Variants in BCKDHB observed in about 807,000 individuals in gnomAD.
BCKDHB encodes 2-oxoisovalerate dehydrogenase subunit beta, mitochondrial.
BCKDHB carries 41 observed loss-of-function variants against 48.5 expected under a neutral mutation model. The observed-to-expected ratio is 0.85, with a 90% CI of 0.66 to 1.10. BCKDHB has a LOEUF of 1.10. Ranked by LOEUF, BCKDHB falls within the 50% of genes least tolerant of loss-of-function variation. BCKDHB has a pLI of 0.00. For synonymous variants in BCKDHB, 201 were observed against 174.8 expected (o/e 1.15, Z -1.18); for missense variants, 496 against 494.2 (o/e 1.00, Z -0.03).
chr6:80,240,841 G>A (rs1290231944), intron 8 of BCKDHB, among the ~76,000 whole-genome samples: 1 of 152,176 alleles, frequency 6.6e-6, no homozygotes, highest in African/African-American at 2.4e-5. Flanking sequence ...ATCCTGAAGA[G>A]TGTTTTCCAG....
the BCKDHB span, among the ~76,000 whole-genome samples, chr6:80,418,050 T>C: frequency 6.6e-6 from 1 of 152,174 alleles, no homozygotes; most frequent in Non-Finnish European, 1.5e-5. Context: ...ATTTTTCTTT[T>C]TTTGTCTCAC....
At chr6:80,336,751 A>G (rs1479070802) in intron 9 of BCKDHB, among the ~76,000 whole-genome samples, 2 of 152,030 alleles carry the variant, frequency 1.3e-5, no homozygotes, top group African/African-American at 2.4e-5. Flanking sequence ...CATTGGTTCA[A>G]CTGTGTTTTA....
chr6:80,279,497 G>A (rs961990756), intron 9 of BCKDHB, among the ~76,000 whole-genome samples: 2 of 151,764 alleles, frequency 1.3e-5, no homozygotes, highest in African/African-American at 2.4e-5. Flanking sequence ...TTCACCTCTC[G>A]TCTAATTACT....
chr6:80,336,882 G>A (rs1200594613), intron 9 of BCKDHB, among the ~76,000 whole-genome samples: 1 of 151,990 alleles, frequency 6.6e-6, no homozygotes, highest in Non-Finnish European at 1.5e-5. Context: ...TTGGGGGTAG[G>A]TTAGGGACTC....
chr6:80,191,273 G>T (rs974670063), intron 6 of BCKDHB, among the ~76,000 whole-genome samples: 1 of 152,026 alleles, frequency 6.6e-6, no homozygotes, highest in East Asian at 1.9e-4. Flanking sequence ...TGTATTCCCC[G>T]TATATCTTTC....
intron 3 of BCKDHB, among the ~76,000 whole-genome samples, chr6:80,165,546 C>A (rs1305945346): frequency 6.6e-6 from 1 of 152,060 alleles, no homozygotes; most frequent in Non-Finnish European, 1.5e-5. Context: ...AATATGAATA[C>A]CAGGTTTCTC....
At chr6:80,415,984 C>T in the BCKDHB span, among the ~76,000 whole-genome samples, 1 of 151,496 alleles carries the variant, frequency 6.6e-6, no homozygotes, top group Non-Finnish European at 1.5e-5. Context: ...TCAATTTCTT[C>T]CTGGTTCTGT....
intron 1 of BCKDHB, among the ~76,000 whole-genome samples, chr6:80,122,979 C>T (rs1387682382): frequency 7.1e-6 from 1 of 141,662 alleles, no homozygotes; most frequent in Non-Finnish European, 1.5e-5. Context: ...TCCCCCCCGG[C>T]CCCCCCAGGA....
In BCKDHB at chr6:80,200,921, G is replaced by A. The variant is rs769136693; in HGVS notation, c.743-13G>A. On this transcript the variant is annotated splice_polypyrimidine_tract_variant and intron_variant, in intron 6 of 9. Transcript: ENST00000320393. ...AAAAATGTCCTTTTTTTTTTTTCCT[G>A]TTCTGTATTTAGCGGAAGAAGTCCC... 1 of 1,549,346 alleles carries A rather than the reference G, an allele frequency of 6.5e-7. No homozygotes were observed. Among genetic ancestry groups the A allele is most frequent in the South Asian group, 1.2e-5 (1 of 86,936 alleles).
chr6:80,338,419 A>G (rs2322756), intron 9 of BCKDHB, among the ~76,000 whole-genome samples: 117,972 of 152,088 alleles, frequency 0.78, 46,135 homozygotes, highest in Admixed American at 0.84. Context: ...ATTAGCGTTT[A>G]GGCGTCCTGC....
intron 8 of BCKDHB, among the ~76,000 whole-genome samples, chr6:80,248,960 G>A (rs1776728873): frequency 6.6e-6 from 1 of 151,474 alleles, no homozygotes; most frequent in Non-Finnish European, 1.5e-5. Context: ...TCCCAGAATA[G>A]CCATAGTGGT....
chr6:80,168,752 G>C (rs924252015), intron 4 of BCKDHB, 123 bp from the exon 5 acceptor site: 1 of 1,085,794 alleles, frequency 9.2e-7, no homozygotes, highest in East Asian at 2.6e-5. Context: ...GGCAGGGAGG[G>C]AGGGAAAGAC....
At chr6:80,207,122 A>G (rs1239601680) in intron 8 of BCKDHB, among the ~76,000 whole-genome samples, 1 of 152,030 alleles carries the variant, frequency 6.6e-6, no homozygotes, top group Non-Finnish European at 1.5e-5. Flanking sequence ...AAATGATTCT[A>G]AAAGAAAATA....
At chr6:80,447,099 G>A in the BCKDHB span, among the ~76,000 whole-genome samples, 1 of 152,138 alleles carries the variant, frequency 6.6e-6, no homozygotes, top group Admixed American at 6.5e-5. Context: ...ATATTTTTAA[G>A]TGCTAAATAA....
rs1236821567 is a variant in BCKDHB at position 80,343,995 on chromosome 6, C to G, written c.*191C>G. The G allele has an allele frequency of 1.6e-5, 10 of 619,304 alleles. No individual in the cohort carries two copies. Among genetic ancestry groups the G allele is most frequent in the Non-Finnish European group, 2.4e-5 (9 of 376,736 alleles). The allele number at this position is 619,304 out of a possible 1,614,324, so 38.4% of individuals were successfully genotyped here. A position where few individuals can be genotyped will look rare whatever the true frequency, so the allele number is the denominator to read the frequency against. ...ATTCAAATTTATAGTAGTATATTTA[C>G]ATTTTTGTTGTTGTTGTTGTTCTGA... On this transcript the variant is annotated 3_prime_UTR_variant, in exon 10 of 10. Coordinates refer to ENST00000320393, the MANE Select transcript of BCKDHB (RefSeq NM_183050.4).
At chr6:80,203,299 G>A in intron 8 of BCKDHB, 87 bp downstream of exon 8, 1 of 938,514 alleles carries the variant, frequency 1.1e-6, no homozygotes, top group Admixed American at 1.8e-5. Context: ...TTTTGAAATT[G>A]TGAGCTATGT....
chr6:80,114,025 A>T (rs1028402377), intron 1 of BCKDHB, among the ~76,000 whole-genome samples: 17 of 152,018 alleles, frequency 1.1e-4, no homozygotes, highest in Admixed American at 6.6e-4. Context: ...GGTACTTCGA[A>T]TTTTTTCATC....
chr6:80,131,570 C>A (rs1309264168), intron 3 of BCKDHB, among the ~76,000 whole-genome samples: 1 of 152,132 alleles, frequency 6.6e-6, no homozygotes, highest in South Asian at 2.1e-4. Context: ...TCTTACCCTC[C>A]CTCCAATCCA....
chr6:80,386,954 C>T, the BCKDHB span, among the ~76,000 whole-genome samples: 2 of 152,108 alleles, frequency 1.3e-5, no homozygotes, highest in African/African-American at 2.4e-5. Flanking sequence ...ACATTACCGA[C>T]AATTTATGCA....
Sources: gnomAD v4.1 joint callset for allele counts (sites outside exome capture counted in the v4.1 genomes callset) on GRCh38, gnomAD v4.1.1 for gene constraint, MANE v1.5 for transcripts, NCBI Gene and HGNC (gene_info 2026-07-23, HGNC 2026-07-21) for gene names.